ZNF644: variants seen among roughly 807,000 people sequenced by gnomAD.
ZNF644 encodes the protein zinc finger motif enhancer binding protein 2.
A neutral mutation model predicts 108.0 loss-of-function variants in ZNF644; 20 were observed. The observed-to-expected ratio is 0.19, with a 90% CI of 0.13 to 0.27. ZNF644 has a LOEUF of 0.27. Ranked by LOEUF, ZNF644 falls within the 10% of genes least tolerant of loss-of-function variation. The pLI is 1.00. For synonymous variants in ZNF644, 542 were observed against 539.1 expected (o/e 1.01, Z -0.08); for missense variants, 1,338 against 1,548.9 (o/e 0.86, Z 2.29).
chr1:90,941,344 G>A, intron 2 of ZNF644, 35 bp from the exon 3 acceptor site: 1 of 1,571,502 alleles, frequency 6.4e-7, no homozygotes, highest in Non-Finnish European at 8.6e-7. Flanking sequence ...AGATTTGCAT[G>A]AAAGAAAAAA....
intron 2 of ZNF644, 148 bp from the exon 3 acceptor site, chr1:90,941,457 C>T (rs929027198): frequency 1.4e-5 from 11 of 773,946 alleles, no homozygotes; most frequent in Admixed American, 3.3e-5. Context: ...TGAAAGAACA[C>T]AAACATATTG....
intron 1 of ZNF644, among the ~76,000 whole-genome samples, chr1:91,013,533 G>T (rs578214971): frequency 2.0e-5 from 3 of 151,160 alleles, no homozygotes; most frequent in Non-Finnish European, 4.4e-5. Context: ...CCCTAAACTG[G>T]ATTCAAGCCA....
Position 90,938,030 on chromosome 1 carries a change from T to C in ZNF644, c.3143A>G (p.Asp1048Gly). 6.2e-7 allele frequency: 1 copy of C among 1,610,730 alleles called. No individual in the cohort carries two copies. The highest frequency in any genetic ancestry group is 8.5e-7 in the Non-Finnish European group (1 of 1,179,818). Residue 1048 changes from aspartate (D) to glycine (G), a missense_variant, in exon 4 of 6, where the codon GAT becomes GGT. Physicochemically the swap from Asp to Gly is moderately conservative, Grantham distance 94. Coordinates refer to ENST00000337393, the MANE Select transcript of ZNF644 (RefSeq NM_201269.3). The surrounding 1 kb of genome is among the most constrained non-coding windows in gnomAD (Gnocchi z 4.2). ...HTCQLCGGWF[D>G]TKIGLSNHVR... ...ATGATTTGATAATCCAATTTTAGTA[T>C]CAAACCAACCACCACAGAGCTGACA...
intron 2 of ZNF644, among the ~76,000 whole-genome samples, chr1:90,960,009 T>C (rs1258863940): frequency 2.0e-5 from 3 of 152,292 alleles, no homozygotes; most frequent in Admixed American, 6.5e-5. Context: ...CCAGTGTATA[T>C]GTTCTCCACC....
At chr1:90,954,435 C>A (rs1327252890) in intron 2 of ZNF644, among the ~76,000 whole-genome samples, 1 of 151,288 alleles carries the variant, frequency 6.6e-6, no homozygotes, top group Non-Finnish European at 1.5e-5. Flanking sequence ...GAGACAGAGT[C>A]TCACTCTGTT....
chr1:90,951,136 T>C (rs150798793), intron 2 of ZNF644, among the ~76,000 whole-genome samples: 5 of 152,354 alleles, frequency 3.3e-5, no homozygotes, highest in African/African-American at 1.2e-4. Context: ...ATCACTGCTA[T>C]ACCCAGATCC....
intron 1 of ZNF644, among the ~76,000 whole-genome samples, chr1:91,011,440 G>A (rs1006646889): frequency 1.3e-5 from 2 of 151,822 alleles, no homozygotes; most frequent in Non-Finnish European, 2.9e-5. Flanking sequence ...TATTATATAC[G>A]TTTAACAACA....
At chr1:90,985,461 C>A (rs914764710) in intron 1 of ZNF644, among the ~76,000 whole-genome samples, 1 of 152,202 alleles carries the variant, frequency 6.6e-6, no homozygotes, top group African/African-American at 2.4e-5. Flanking sequence ...CTTGCCCCAT[C>A]CACTCCCCAA....
chr1:90,976,766 C>T (rs189179476), intron 2 of ZNF644, among the ~76,000 whole-genome samples: 41 of 152,156 alleles, frequency 2.7e-4, no homozygotes, highest in Admixed American at 1.3e-3. Flanking sequence ...GACAGATATA[C>T]AGTTGACCCT....
intron 4 of ZNF644, among the ~76,000 whole-genome samples, chr1:90,930,104 T>C (rs868834741): frequency 6.6e-6 from 1 of 152,146 alleles, no homozygotes; most frequent in Non-Finnish European, 1.5e-5. Flanking sequence ...CTGACCAACA[T>C]GGAGAAACCC....
chr1:90,929,923 A>C (rs967427136), intron 4 of ZNF644, among the ~76,000 whole-genome samples: 1 of 152,240 alleles, frequency 6.6e-6, no homozygotes, highest in Admixed American at 6.5e-5. Flanking sequence ...AGAAAAGTCA[A>C]ATAATTATGA....
chr1:91,001,190 C>A lies in ZNF644; in HGVS notation c.-17-18820G>T, dbSNP rs558591423. Among the ~76,000 whole-genome samples, 14 of 152,274 alleles carry A rather than the reference C, an allele frequency of 9.2e-5. No individual in the cohort carries two copies. In the South Asian group the frequency reaches 1.0e-3, roughly 11 times the overall value. ...CTCCTCCCTAACTCATTTTATGAGG[C>A]CAGCATCATCCTGATACCAAAGCCT... is the stretch of plus-strand genomic sequence containing the variant. On this transcript the variant is annotated intron_variant, in intron 1 of 5. Transcript: ENST00000337393.
intron 1 of ZNF644, among the ~76,000 whole-genome samples, chr1:91,018,335 A>C (rs1269791626): frequency 2.0e-5 from 3 of 152,172 alleles, no homozygotes; most frequent in African/African-American, 7.2e-5. Flanking sequence ...CCACTTCTAG[A>C]ACTGCTTCAG....
rs146000630 is a variant in ZNF644 at position 90,927,789 on chromosome 1, TTCTC to T, written c.3689-9639_3689-9636del. On this transcript the variant is annotated intron_variant, in intron 4 of 5. Coordinates refer to ENST00000337393, the MANE Select transcript of ZNF644 (RefSeq NM_201269.3). The stretch of plus-strand genomic sequence containing the variant: ...TAACCATACCATTCCCTTATTTTTC[TTCTC>T]TCTCTCTCTGCCCTCCCTCTCTTCC... Among the ~76,000 whole-genome samples the T allele has an allele frequency of 1.8e-4, 27 of 151,338 alleles. 1 individual carries two copies. The highest frequency in any genetic ancestry group is 1.4e-3 in the East Asian group (7 of 5,166).
chr1:90,984,285 T>C lies in ZNF644; in HGVS notation c.-17-1915A>G, dbSNP rs557587377. 6.6e-5 allele frequency among the ~76,000 whole-genome samples: 10 copies of C among 152,322 alleles called. No individual in the cohort carries two copies. The East Asian group carries it at 1.9e-3, about 29-fold the overall frequency. On this transcript the variant is annotated intron_variant, in intron 1 of 5. Transcript: ENST00000337393. ...ACTGGAAGCACCCCTATATAAAAGATGTTACGAACTGCATTGGTCTGCTAG... is the reference window on the plus strand; with the variant it reads ...ACTGGAAGCACCCCTATATAAAAGACGTTACGAACTGCATTGGTCTGCTAG...
intron 2 of ZNF644, among the ~76,000 whole-genome samples, chr1:90,955,303 T>C (rs1233210834): frequency 6.6e-6 from 1 of 152,208 alleles, no homozygotes; most frequent in African/African-American, 2.4e-5. Context: ...TCAATGAGGC[T>C]TCAACTTAAA....
At position 90,991,604 on chromosome 1, in the gene ZNF644, T is replaced by C. The variant is rs535105945; in HGVS notation, c.-17-9234A>G. On this transcript the variant is annotated intron_variant, in intron 1 of 5. Transcript: ENST00000337393. ...CGGCTGGGAAAGGCCTCAAGAAACC[T>C]GCAATCATGGCAGAAGACAAAGGGG... 3.9e-5 allele frequency among the ~76,000 whole-genome samples: 6 copies of C among 152,254 alleles called. No homozygotes were observed. The East Asian group carries it at 1.2e-3, about 29-fold the overall frequency.
chr1:91,002,698 G>C (rs1461202076), intron 1 of ZNF644, among the ~76,000 whole-genome samples: 1 of 152,224 alleles, frequency 6.6e-6, no homozygotes, highest in East Asian at 1.9e-4. Flanking sequence ...TTAAACTAAA[G>C]AGCTTCTGCA....
In ZNF644 at chr1:90,969,305, T is replaced by C. The variant is rs1655233341; in HGVS notation, c.44+13005A>G. Among the ~76,000 whole-genome samples the C allele has an allele frequency of 3.9e-5, 6 of 152,100 alleles. No homozygotes were observed. The South Asian group carries it at 1.2e-3, about 32-fold the overall frequency. On this transcript the variant is annotated intron_variant, in intron 2 of 5. Coordinates refer to ENST00000337393, the MANE Select transcript of ZNF644 (RefSeq NM_201269.3). ...CATCTGCAAGCCAAGGAGAGAGGCC[T>C]CAGGAGAAGCCAAGCCTGCAAACAT...
Sources: gnomAD v4.1 joint callset for allele counts (sites outside exome capture counted in the v4.1 genomes callset) on GRCh38, gnomAD v4.1.1 for gene constraint, Gnocchi (gnomAD v3.1) non-coding constraint, MANE v1.5 for transcripts, NCBI Gene and HGNC (gene_info 2026-07-23, HGNC 2026-07-21) for gene names.